The following AGBL3 variants were observed in gnomAD, a reference collection of about 807,000 sequenced individuals.
The protein encoded by AGBL3 is AGBL carboxypeptidase 3.
In AGBL3, 68 loss-of-function variants were observed where a neutral mutation model predicts 94.5. The ratio of observed to expected loss-of-function variants is 0.72; its 90% CI spans 0.59 to 0.88. AGBL3 has a LOEUF of 0.88. Ranked by LOEUF, AGBL3 falls within the 40% of genes least tolerant of loss-of-function variation. AGBL3 has a pLI of 0.00. For missense variants in AGBL3, 934 were observed against 1,103.8 expected, an observed-to-expected ratio of 0.85 and a Z score of 2.18; for synonymous variants, 354 against 370.7, an observed-to-expected ratio of 0.95 and a Z score of 0.52.
intron 4 of AGBL3, among the ~76,000 whole-genome samples, chr7:134,998,622 A>T (rs747723563): frequency 6.6e-6 from 1 of 152,178 alleles, no homozygotes; most frequent in African/African-American, 2.4e-5. Flanking sequence ...TAGAGTAAGG[A>T]TATATAGGTA....
At chr7:135,046,675 A>C (rs1415424820) in intron 11 of AGBL3, among the ~76,000 whole-genome samples, 1 of 152,064 alleles carries the variant, frequency 6.6e-6, no homozygotes. Flanking sequence ...AGCACTCAGT[A>C]ATATTCCATT....
At chr7:134,994,843 T>G (rs1157880888) in intron 4 of AGBL3, among the ~76,000 whole-genome samples, 1 of 152,204 alleles carries the variant, frequency 6.6e-6, no homozygotes, top group Non-Finnish European at 1.5e-5. Context: ...TCATGCTTAA[T>G]AGTACTAAAC....
intron 15 of AGBL3, among the ~76,000 whole-genome samples, chr7:135,095,898 T>A (rs943840617): frequency 6.6e-6 from 1 of 152,176 alleles, no homozygotes; most frequent in African/African-American, 2.4e-5. Flanking sequence ...ACGCCTGTAA[T>A]CCCAGCACTT....
chr7:135,099,063 A>C (rs1177099085), intron 15 of AGBL3, among the ~76,000 whole-genome samples: 1 of 152,204 alleles, frequency 6.6e-6, no homozygotes, highest in Non-Finnish European at 1.5e-5. Flanking sequence ...ATGTAACAGC[A>C]AAGTAAATAA....
At chr7:135,046,061 C>A in intron 11 of AGBL3, 150 bp downstream of exon 11, 1 of 613,106 alleles carries the variant, frequency 1.6e-6, no homozygotes, top group Non-Finnish European at 2.9e-6. Context: ...TTTGGCCAGA[C>A]TTCATTAAGA....
At chr7:134,991,212 T>A (rs1279175779) in intron 3 of AGBL3, among the ~76,000 whole-genome samples, 2 of 85,614 alleles carry the variant, frequency 2.3e-5, no homozygotes, top group African/African-American at 9.0e-5. Flanking sequence ...GGGGGGGGGG[T>A]TGGTTAAAAT....
At chr7:135,098,781 A>G (rs1823316883) in intron 15 of AGBL3, among the ~76,000 whole-genome samples, 1 of 152,180 alleles carries the variant, frequency 6.6e-6, no homozygotes, top group South Asian at 2.1e-4. Context: ...AAAATATCCT[A>G]CTTTATCATG....
rs146695834 is a variant in AGBL3 at position 135,025,625 on chromosome 7, C to T, written c.419-7219C>T. 9.3e-4 allele frequency among the ~76,000 whole-genome samples: 141 copies of T among 151,510 alleles called. 1 individual carries two copies. The highest frequency in any genetic ancestry group is 3.1e-3 in the African/African-American group (128 of 41,484). ...CTGAATGTAAATGGTCTGAACAGAC[C>T]ACTTAAAAGGCATAGAGTGGCAGAC... On this transcript the variant is annotated intron_variant, in intron 5 of 16. Transcript: ENST00000436302.
At chr7:135,112,601 T>A (rs377128012) in intron 15 of AGBL3, among the ~76,000 whole-genome samples, 1 of 152,224 alleles carries the variant, frequency 6.6e-6, no homozygotes, top group African/African-American at 2.4e-5. Context: ...TGGCTATAAG[T>A]ATATGTATGT....
chr7:135,128,291 C>CAAAAAAAAAA (rs61217008), intron 16 of AGBL3, among the ~76,000 whole-genome samples: 1 of 58,074 alleles, frequency 1.7e-5, no homozygotes, highest in African/African-American at 8.1e-5. Context: ...GACTCCATCT[C>CAAAAAAAAAA]AAAAAAAAAA....
chr7:135,035,208 C>G (rs1251225244), intron 7 of AGBL3, among the ~76,000 whole-genome samples: 3 of 151,990 alleles, frequency 2.0e-5, no homozygotes, highest in Non-Finnish European at 4.4e-5. Flanking sequence ...TTGCATATCC[C>G]AAATTTGGCT....
Position 135,074,537 on chromosome 7 carries a change from C to A in AGBL3, c.1909-1860C>A, listed in dbSNP as rs1257039511. Among the ~76,000 whole-genome samples, 9 of 152,180 alleles carry A rather than the reference C, an allele frequency of 5.9e-5. No individual in the cohort carries two copies. In the East Asian group the frequency reaches 1.4e-3, roughly 23 times the overall value. ...TAGCACAAGAACAAGTGTTTTACCT[C>A]CTCCCATATTCTCTGCTGTGCCATC... On this transcript the variant is annotated intron_variant, in intron 12 of 16. Transcript: ENST00000436302.
intron 5 of AGBL3, among the ~76,000 whole-genome samples, chr7:135,018,514 A>G (rs184847271): frequency 1.2e-4 from 19 of 152,322 alleles, no homozygotes; most frequent in African/African-American, 4.6e-4. Flanking sequence ...AACCCCACTT[A>G]ATCTTATTTT....
At chr7:135,060,002 G>A (rs773136505) in intron 12 of AGBL3, among the ~76,000 whole-genome samples, 6 of 152,204 alleles carry the variant, frequency 3.9e-5, no homozygotes, top group Non-Finnish European at 7.3e-5. Flanking sequence ...GCTACAGGTT[G>A]AGTTCAGTTA....
chr7:135,081,737 C>G lies in AGBL3; in HGVS notation c.2057C>G (p.Pro686Arg), dbSNP rs1056350256. ...SDVKDTRPNE[P>R]DDYMVDYFRR... ...TCTCTAGATACAAGGCCAAATGAAC[C>G]AGATGATTATATGGTTGATTATTTC... Residue 686 changes from proline (P) to arginine (R), a missense_variant, in exon 15 of 17, where the codon CCA (proline) becomes CGA (arginine). Coordinates refer to ENST00000436302, the MANE Select transcript of AGBL3 (RefSeq NM_178563.4). 5.8e-6 allele frequency: 9 copies of G among 1,540,642 alleles called. No homozygotes were observed. The African/African-American group carries it at 8.2e-5, about 14-fold the overall frequency.
intron 15 of AGBL3, among the ~76,000 whole-genome samples, chr7:135,082,997 A>G (rs1032874063): frequency 6.6e-6 from 1 of 152,070 alleles, no homozygotes; most frequent in Non-Finnish European, 1.5e-5. Flanking sequence ...CATATTCTCA[A>G]TAACATTGAT....
intron 16 of AGBL3, among the ~76,000 whole-genome samples, chr7:135,132,584 T>C (rs1828923849): frequency 6.6e-6 from 1 of 152,160 alleles, no homozygotes; most frequent in South Asian, 2.1e-4. Context: ...CACCTTTAAT[T>C]GTAATAATCC....
At chr7:135,097,510 T>C (rs1246162718) in intron 15 of AGBL3, among the ~76,000 whole-genome samples, 1 of 152,170 alleles carries the variant, frequency 6.6e-6, no homozygotes, top group Non-Finnish European at 1.5e-5. Flanking sequence ...TTATTGGCAA[T>C]GAAAATGTAA....
intron 11 of AGBL3, chr7:135,050,894 T>A: frequency 3.3e-6 from 1 of 304,932 alleles, no homozygotes; most frequent in East Asian, 1.1e-4. Flanking sequence ...TTGAGTTTAG[T>A]CCATTTATAC....
Sources: allele counts gnomAD v4.1 joint callset (sites outside exome capture counted in the v4.1 genomes callset), GRCh38; gene constraint gnomAD v4.1.1; transcripts MANE v1.5; gene names NCBI Gene and HGNC (gene_info 2026-07-23, HGNC 2026-07-21).